Variants in SRSF11 observed in about 807,000 individuals in gnomAD.
SRSF11 encodes the protein serine/arginine-rich splicing factor 11.
In SRSF11, 9 loss-of-function variants were observed where a neutral mutation model predicts 56.0. That is an observed-to-expected ratio of 0.16 (90% CI 0.10 to 0.28). SRSF11 has a LOEUF of 0.28. Ranked by LOEUF, SRSF11 falls within the 10% of genes least tolerant of loss-of-function variation. The probability of loss-of-function intolerance (pLI) is 1.00; values close to 1 mark genes in which losing one functional copy is unlikely to be tolerated. For synonymous variants in SRSF11, 222 were observed against 215.3 expected (o/e 1.03, Z -0.27); for missense variants, 421 against 600.7 (o/e 0.70, Z 3.13).
intron 1 of SRSF11, among the ~76,000 whole-genome samples, chr1:70,225,560 G>A (rs978008458): frequency 6.6e-6 from 1 of 152,126 alleles, no homozygotes; most frequent in African/African-American, 2.4e-5. Flanking sequence ...TGAAGTTCTC[G>A]TACGTTAGTA....
chr1:70,237,440 T>C lies in SRSF11; in HGVS notation c.606T>C (p.Ala202=). ...STVDPKLNHV[A]AGLVSPSLKS... ...TCTGTTTCAGGTTGAATCATGTAGC[T>C]GCTGGTCTCGTTTCACCAAGTCTGA... The change falls in exon 6 of 12, where the codon GCT becomes GCC. Residue 202 remains alanine (A), a synonymous_variant. Coordinates refer to ENST00000370949, the MANE Select transcript of SRSF11 (RefSeq NM_001350605.2). 5 of 1,613,512 alleles carry C rather than the reference T, an allele frequency of 3.1e-6. No homozygotes were observed. Among genetic ancestry groups the C allele is most frequent in the Non-Finnish European group, 4.2e-6 (5 of 1,179,970 alleles).
At chr1:70,212,944 G>T (rs559809340) in intron 1 of SRSF11, among the ~76,000 whole-genome samples, 5 of 152,008 alleles carry the variant, frequency 3.3e-5, no homozygotes, top group Admixed American at 2.6e-4. Flanking sequence ...CCCAGCTACT[G>T]GGGGGGTGGG....
At chr1:70,214,764 G>A (rs1229920682) in intron 1 of SRSF11, among the ~76,000 whole-genome samples, 2 of 152,028 alleles carry the variant, frequency 1.3e-5, no homozygotes, top group East Asian at 1.9e-4. Flanking sequence ...GAATAGGAGC[G>A]TGGGATTTAC....
intron 1 of SRSF11, among the ~76,000 whole-genome samples, chr1:70,223,718 CT>C (rs1298727437): frequency 1.3e-5 from 2 of 152,168 alleles, no homozygotes; most frequent in Non-Finnish European, 2.9e-5. Flanking sequence ...TAGATGGCTA[CT>C]TTTATTTACT....
chr1:70,215,245 A>G (rs1296311783), intron 1 of SRSF11, among the ~76,000 whole-genome samples: 1 of 152,114 alleles, frequency 6.6e-6, no homozygotes, highest in Admixed American at 6.6e-5. Flanking sequence ...TTTATTTCCT[A>G]GGTTCTTCTC....
At chr1:70,242,549 C>A (rs913880350) in intron 7 of SRSF11, among the ~76,000 whole-genome samples, 1 of 151,368 alleles carries the variant, frequency 6.6e-6, no homozygotes, top group African/African-American at 2.4e-5. Flanking sequence ...AGCTGTTTGC[C>A]CACCTCGGCC....
Position 70,221,585 on chromosome 1 carries a change from GT to G in SRSF11, c.-49del. The G allele has an allele frequency of 6.4e-7, 1 of 1,565,282 alleles. No individual in the cohort carries two copies. Among genetic ancestry groups the G allele is most frequent in the Non-Finnish European group, 8.7e-7 (1 of 1,155,344 alleles). ...GTTCCTCTTCCCCCTCCTTCTCACTGTTTGTTGTGTGTTTGATGTGTTAAAG... is the reference window on the plus strand; with the variant it reads ...GTTCCTCTTCCCCCTCCTTCTCACTGTTGTTGTGTGTTTGATGTGTTAAAG... On this transcript the variant is annotated 5_prime_UTR_variant, in exon 1 of 12. Transcript: ENST00000370949.
At chr1:70,229,502 C>G in intron 2 of SRSF11, 4 of 984,878 alleles carry the variant, frequency 4.1e-6, no homozygotes, top group Non-Finnish European at 4.8e-6. Flanking sequence ...TAGTTTGTTC[C>G]CAATGTACTG....
At chr1:70,229,905 A>C (rs2100721407) in intron 2 of SRSF11, 1 of 985,336 alleles carries the variant, frequency 1.0e-6, no homozygotes, top group East Asian at 1.1e-4. Context: ...AGATAGATAA[A>C]TTTTTGAGTT....
intron 7 of SRSF11, among the ~76,000 whole-genome samples, chr1:70,242,885 G>A (rs1329282769): frequency 6.6e-6 from 1 of 152,096 alleles, no homozygotes; most frequent in African/African-American, 2.4e-5. Flanking sequence ...CAAGAATACA[G>A]TCATGAAAAG....
chr1:70,215,157 C>T (rs1669898064), intron 1 of SRSF11, among the ~76,000 whole-genome samples: 1 of 152,076 alleles, frequency 6.6e-6, no homozygotes, highest in African/African-American at 2.4e-5. Flanking sequence ...CTTGGCCTCC[C>T]AAAGTGCTGG....
At chr1:70,231,289 T>A (rs1247238416) in intron 2 of SRSF11, 1 of 1,172,318 alleles carries the variant, frequency 8.5e-7, no homozygotes, top group Non-Finnish European at 1.1e-6. Context: ...AATTGTATTA[T>A]TGAACTCTCA....
At chr1:70,247,076 T>A in intron 9 of SRSF11, 169 bp downstream of exon 9, 1 of 1,112,360 alleles carries the variant, frequency 9.0e-7, no homozygotes, top group Non-Finnish European at 1.2e-6. Context: ...TGAAGAATAA[T>A]GTAGTTTATT....
At chr1:70,219,966 C>T (rs1253562391), upstream of SRSF11, among the ~76,000 whole-genome samples, 3 of 152,218 alleles carry the variant, frequency 2.0e-5, no homozygotes, top group South Asian at 2.1e-4. Context: ...ACCTCCAAAA[C>T]ATCTAAAACT....
At chr1:70,231,219 A>T in intron 2 of SRSF11, 1 of 1,237,068 alleles carries the variant, frequency 8.1e-7, no homozygotes, top group Non-Finnish European at 1.0e-6. Flanking sequence ...TTTTATGATG[A>T]GATGCAGTTT....
intron 1 of SRSF11, among the ~76,000 whole-genome samples, chr1:70,208,489 A>G (rs1669259047): frequency 6.6e-6 from 1 of 152,124 alleles, no homozygotes; most frequent in African/African-American, 2.4e-5. Context: ...ACGCACCACC[A>G]CACCCAGCTA....
Position 70,251,591 on chromosome 1 carries a change from T to C in SRSF11, c.*786T>C, listed in dbSNP as rs1677956302. The C allele has an allele frequency of 6.6e-6, 1 of 152,412 alleles. No homozygotes were observed. 9.4% of individuals were successfully genotyped at this position (152,412 alleles called of 1,614,324 possible). Reference sequence around the variant, plus strand: ...TACATCAGTGAAAGCTATCTACCTATCCTGAGTCTATCTTAAAGGAAAAAA... The same window carrying C: ...TACATCAGTGAAAGCTATCTACCTACCCTGAGTCTATCTTAAAGGAAAAAA... On this transcript the variant is annotated 3_prime_UTR_variant, in exon 12 of 12. Coordinates refer to ENST00000370949, the MANE Select transcript of SRSF11 (RefSeq NM_001350605.2).
intron 3 of SRSF11, among the ~76,000 whole-genome samples, chr1:70,233,793 A>G (rs1163523836): frequency 6.6e-6 from 1 of 152,190 alleles, no homozygotes; most frequent in South Asian, 2.1e-4. Flanking sequence ...GTTTGTGTCT[A>G]TTACATTATG....
upstream of SRSF11, among the ~76,000 whole-genome samples, chr1:70,219,447 A>G (rs1216149965): frequency 6.6e-6 from 1 of 152,366 alleles, no homozygotes; most frequent in Non-Finnish European, 1.5e-5. Flanking sequence ...TGCTGTGTAA[A>G]TAGTTGTTAG....
Sources: gnomAD v4.1 joint callset for allele counts (sites outside exome capture counted in the v4.1 genomes callset) on GRCh38, gnomAD v4.1.1 for gene constraint, MANE v1.5 for transcripts, NCBI Gene and HGNC (gene_info 2026-07-23, HGNC 2026-07-21) for gene names.